Variants in SFI1 observed in about 807,000 individuals in gnomAD.
The protein encoded by SFI1 is SFI1 centrin binding protein.
SFI1 carries 195 observed loss-of-function variants against 207.5 expected under a neutral mutation model. That is an observed-to-expected ratio of 0.94 (90% CI 0.84 to 1.06). SFI1 has a LOEUF of 1.06. Ranked by LOEUF, SFI1 falls within the 50% of genes least tolerant of loss-of-function variation. The pLI, the probability that SFI1 is intolerant of heterozygous loss-of-function variation, is 0.00. For synonymous variants in SFI1, 630 were observed against 598.9 expected (o/e 1.05, Z -0.76); for missense variants, 1,634 against 1,588.0 (o/e 1.03, Z -0.49).
At chr22:31,556,317 G>C (rs2061163261) in intron 6 of SFI1, among the ~76,000 whole-genome samples, 4 of 151,316 alleles carry the variant, frequency 2.6e-5, no homozygotes, top group Non-Finnish European at 1.5e-5. Context: ...CTCCCTCCCA[G>C]GTTTAGCAAT....
Position 31,604,896 on chromosome 22 carries a change from C to T in SFI1, c.2005C>T (p.Leu669Phe), listed in dbSNP as rs758406922. Residue 669 changes from leucine (L) to phenylalanine (F), a missense_variant, in exon 20 of 33, where the codon CTC becomes TTC. Transcript: ENST00000400288. ...VTYQGRVRSI[L>F]REVAARESQH... The stretch of plus-strand genomic sequence containing the variant: ...TTACCAGGGCAGGGTGCGAAGCATC[C>T]TCCGGGAGGTGGCAGCCAGGGAGAG... The T allele has an allele frequency of 6.2e-7, 1 of 1,611,854 alleles. No individual in the cohort carries two copies. Among genetic ancestry groups the T allele is most frequent in the African/African-American group, 1.3e-5 (1 of 74,786 alleles).
intron 14 of SFI1, among the ~76,000 whole-genome samples, chr22:31,586,396 G>T (rs1403998167): frequency 6.6e-6 from 1 of 152,198 alleles, no homozygotes; most frequent in Non-Finnish European, 1.5e-5. Context: ...TGCTTGGCAT[G>T]GGATATGTGC....
chr22:31,576,570 C>T (rs1163841366), intron 10 of SFI1, among the ~76,000 whole-genome samples: 1 of 152,126 alleles, frequency 6.6e-6, no homozygotes, highest in Non-Finnish European at 1.5e-5. Flanking sequence ...ATCCACTTGC[C>T]TCGGCCTCTT....
chr22:31,536,485 C>T (rs1275289654), intron 4 of SFI1, among the ~76,000 whole-genome samples: 1 of 152,226 alleles, frequency 6.6e-6, no homozygotes, highest in Non-Finnish European at 1.5e-5. Flanking sequence ...GATCTTGGCT[C>T]ACTGCAACCG....
At chr22:31,543,683 G>A (rs1436515304) in intron 4 of SFI1, among the ~76,000 whole-genome samples, 2 of 151,902 alleles carry the variant, frequency 1.3e-5, no homozygotes, top group African/African-American at 2.4e-5. Flanking sequence ...GGTGGCACAC[G>A]CCTGTAGTCC....
At chr22:31,507,499 A>G (rs995844081) in intron 1 of SFI1, among the ~76,000 whole-genome samples, 3 of 152,242 alleles carry the variant, frequency 2.0e-5, no homozygotes, top group Non-Finnish European at 4.4e-5. Flanking sequence ...TCACAAATTG[A>G]CAAATTTAGT....
rs754775226 is a variant in SFI1, at chr22:31,575,192, C to T, written c.923-39C>T. 3.9e-6 allele frequency: 6 copies of T among 1,533,848 alleles called. No homozygotes were observed. The Admixed American group carries it at 7.7e-5, about 20-fold the overall frequency. ...TTAAAGATGTTTCCAGCTCATCTAA[C>T]CTTAGGGGAGTAGCACTTAAGTTAT... is the stretch of plus-strand genomic sequence containing the variant. On this transcript the variant is annotated intron_variant, in intron 9 of 32. Coordinates refer to ENST00000400288, the MANE Select transcript of SFI1 (RefSeq NM_001007467.3).
At chr22:31,509,039 AATC>A (rs1160516922) in intron 2 of SFI1, among the ~76,000 whole-genome samples, 1 of 152,140 alleles carries the variant, frequency 6.6e-6, no homozygotes, top group Non-Finnish European at 1.5e-5. Flanking sequence ...TTATTGAGAT[AATC>A]ATGTGGTTTT....
chr22:31,593,280 G>A (rs1649107913), intron 15 of SFI1, among the ~76,000 whole-genome samples: 1 of 143,076 alleles, frequency 7.0e-6, no homozygotes, highest in South Asian at 2.3e-4. Context: ...CTTCTCAGAC[G>A]GGGCGGCCGG....
In SFI1 at chr22:31,616,817, C is replaced by T. The variant is rs917060816; in HGVS notation, c.3373C>T (p.His1125Tyr). ...ATCCCTGGCCAGTGTCCCTGACCCCCATCTACTCCTTCCTGGGGACTTCTC... is the reference window on the plus strand; with the variant it reads ...ATCCCTGGCCAGTGTCCCTGACCCCTATCTACTCCTTCCTGGGGACTTCTC... ...PSSLASVPDP[H>Y]LLLPGDFSAT... Residue 1125 changes from histidine (H) to tyrosine (Y), a missense_variant, in exon 30 of 33, where the codon CAT (histidine) becomes TAT (tyrosine). Transcript: ENST00000400288. The T allele has an allele frequency of 1.2e-6, 2 of 1,612,634 alleles. No homozygotes were observed. Among genetic ancestry groups the T allele is most frequent in the East Asian group, 2.2e-5 (1 of 44,896 alleles).
intron 1 of SFI1, among the ~76,000 whole-genome samples, chr22:31,497,932 T>A (rs1041077659): frequency 6.6e-6 from 1 of 152,244 alleles, no homozygotes; most frequent in Admixed American, 6.5e-5. Context: ...ACATGTCTGC[T>A]AACACAGTAT....
At chr22:31,591,681 C>T (rs2065962266) in intron 15 of SFI1, among the ~76,000 whole-genome samples, 1 of 76,104 alleles carries the variant, frequency 1.3e-5, no homozygotes, top group Non-Finnish European at 2.5e-5. Flanking sequence ...GACGGGGCGG[C>T]TGGCTGGGCA....
chr22:31,582,227 T>TAC (rs2064363100), intron 12 of SFI1, among the ~76,000 whole-genome samples: 1 of 48,454 alleles, frequency 2.1e-5, no homozygotes, highest in African/African-American at 8.0e-5. Context: ...TATATATATA[T>TAC]ATATATATAT....
intron 2 of SFI1, among the ~76,000 whole-genome samples, chr22:31,527,057 C>T (rs1033030639): frequency 2.0e-5 from 3 of 152,038 alleles, no homozygotes; most frequent in African/African-American, 7.2e-5. Flanking sequence ...CCACCACATC[C>T]GGCTGACTTT....
intron 15 of SFI1, among the ~76,000 whole-genome samples, chr22:31,596,603 C>G (rs1175498578): frequency 6.6e-6 from 1 of 151,830 alleles, no homozygotes; most frequent in Non-Finnish European, 1.5e-5. Context: ...CCAGTCTGAC[C>G]AACATGGCAA....
At chr22:31,618,264 G>A (rs56219558) in intron 32 of SFI1, 38 bp downstream of exon 32, 117,688 of 1,599,584 alleles carry the variant, frequency 0.074, 5,121 homozygotes, top group Admixed American at 0.18. Context: ...CCCTGGGGAC[G>A]CCCCGGGCTG....
chr22:31,585,984 T>C (rs908576953), intron 14 of SFI1, among the ~76,000 whole-genome samples: 7 of 152,016 alleles, frequency 4.6e-5, no homozygotes, highest in Non-Finnish European at 1.0e-4. Flanking sequence ...GGTGAATCTT[T>C]AGATTCACCT....
At chr22:31,599,727 T>C (rs1221665183) in intron 15 of SFI1, among the ~76,000 whole-genome samples, 1 of 152,114 alleles carries the variant, frequency 6.6e-6, no homozygotes, top group African/African-American at 2.4e-5. Context: ...CCTCCTGCCA[T>C]GGCCTCTCAC....
chr22:31,604,789 G>A, intron 19 of SFI1, 80 bp from the exon 20 acceptor site: 2 of 1,308,174 alleles, frequency 1.5e-6, no homozygotes, highest in Non-Finnish European at 1.1e-6. Flanking sequence ...CAGCCTTGTG[G>A]TAGATGCACC....
Sources: gnomAD v4.1 joint callset for allele counts (sites outside exome capture counted in the v4.1 genomes callset) on GRCh38, gnomAD v4.1.1 for gene constraint, MANE v1.5 for transcripts, NCBI Gene and HGNC (gene_info 2026-07-23, HGNC 2026-07-21) for gene names.